Variants in PARD3B observed in about 807,000 individuals in gnomAD.
PARD3B encodes par-3 family cell polarity regulator beta, also known as partitioning defective 3 homolog B.
Under a neutral mutation model 130.2 loss-of-function variants are expected in PARD3B, and 103 were observed. That is an observed-to-expected ratio of 0.79 (90% CI 0.67 to 0.93). The LOEUF (loss-of-function observed/expected upper bound fraction) is 0.93, where lower values mean the gene tolerates loss of function less well. Ranked by LOEUF, PARD3B falls within the 40% of genes least tolerant of loss-of-function variation. The pLI is 0.00. For synonymous variants in PARD3B, 583 were observed against 553.2 expected (o/e 1.05, Z -0.76); for missense variants, 1,609 against 1,499.2 (o/e 1.07, Z -1.21).
chr2:204,750,615 TACATACATACATACATAC>T (rs1349082648), intron 2 of PARD3B, among the ~76,000 whole-genome samples: 1 of 151,588 alleles, frequency 6.6e-6, no homozygotes, highest in African/African-American at 2.4e-5. Context: ...CATACATACA[TACATACATACATACATAC>T]ACACACACAT....
At chr2:204,560,712 A>C (rs1208267738) in intron 1 of PARD3B, among the ~76,000 whole-genome samples, 3 of 152,082 alleles carry the variant, frequency 2.0e-5, no homozygotes, top group Non-Finnish European at 2.9e-5. Context: ...GTAGGGAAGG[A>C]GTAAGGGTCA....
At chr2:204,877,826 C>T (rs144820383) in intron 2 of PARD3B, among the ~76,000 whole-genome samples, 1 of 152,258 alleles carries the variant, frequency 6.6e-6, no homozygotes, top group East Asian at 1.9e-4. Context: ...GTCAGTTTGG[C>T]AATACCAGTT....
At chr2:205,456,510 C>T (rs1050913334) in intron 20 of PARD3B, among the ~76,000 whole-genome samples, 2 of 152,044 alleles carry the variant, frequency 1.3e-5, no homozygotes, top group Non-Finnish European at 2.9e-5. Context: ...GTTGAGTGTA[C>T]TGTTAGCTAT....
chr2:205,169,266 C>A (rs998681018), intron 11 of PARD3B, among the ~76,000 whole-genome samples: 3 of 152,088 alleles, frequency 2.0e-5, no homozygotes, highest in Non-Finnish European at 4.4e-5. Context: ...TCTGGTGATG[C>A]TTGTGATGAA....
At chr2:205,282,206 C>G (rs758736726) in intron 16 of PARD3B, among the ~76,000 whole-genome samples, 1 of 151,928 alleles carries the variant, frequency 6.6e-6, no homozygotes, top group Non-Finnish European at 1.5e-5. Context: ...GAGATGTTCC[C>G]CCCTTTCTTC....
At chr2:204,786,101 G>A (rs1434362081) in intron 2 of PARD3B, among the ~76,000 whole-genome samples, 5 of 128,688 alleles carry the variant, frequency 3.9e-5, no homozygotes, top group African/African-American at 1.2e-4. Flanking sequence ...GTGACAGAGT[G>A]AGACTCCATC....
chr2:204,558,773 G>A (rs1409558352), intron 1 of PARD3B, among the ~76,000 whole-genome samples: 1 of 152,108 alleles, frequency 6.6e-6, no homozygotes, highest in East Asian at 1.9e-4. Flanking sequence ...GAGGCATCAT[G>A]CTACCTGACT....
At chr2:205,068,770 T>A (rs1477059939) in intron 4 of PARD3B, among the ~76,000 whole-genome samples, 4 of 152,188 alleles carry the variant, frequency 2.6e-5, no homozygotes, top group African/African-American at 9.6e-5. Context: ...TTGATTTCTG[T>A]TGACTTCCCC....
At chr2:205,130,817 A>G (rs1559469714) in intron 10 of PARD3B, among the ~76,000 whole-genome samples, 1 of 152,188 alleles carries the variant, frequency 6.6e-6, no homozygotes, top group East Asian at 1.9e-4. Context: ...TTGAAAACCA[A>G]AAGTTAGCCA....
Position 205,187,390 on chromosome 2 carries a change from G to A in PARD3B, c.2024+1527G>A, listed in dbSNP as rs1008872778. Among the ~76,000 whole-genome samples the A allele has an allele frequency of 1.3e-4, 20 of 152,290 alleles. No individual in the cohort carries two copies. The highest frequency in any genetic ancestry group is 4.8e-4 in the African/African-American group (20 of 41,554). On this transcript the variant is annotated intron_variant, in intron 14 of 22. Coordinates refer to ENST00000406610, the MANE Select transcript of PARD3B (RefSeq NM_001302769.2). This position sits in a 1 kb window ranked among gnomAD's most constrained non-coding sequence, Gnocchi z 4.9. ...TGGTAGATAGTCAATCTTATTGCAGGGTTTTCGCAGGTAATACACAGAATG... is the reference window on the plus strand; with the variant it reads ...TGGTAGATAGTCAATCTTATTGCAGAGTTTTCGCAGGTAATACACAGAATG...
At chr2:205,596,413 C>G (rs1040812584) in intron 22 of PARD3B, among the ~76,000 whole-genome samples, 1 of 152,148 alleles carries the variant, frequency 6.6e-6, no homozygotes, top group Non-Finnish European at 1.5e-5. Flanking sequence ...AAGTGCTCTG[C>G]CAAATAATGA....
chr2:204,708,272 G>A (rs1041126373), intron 2 of PARD3B, among the ~76,000 whole-genome samples: 1 of 152,116 alleles, frequency 6.6e-6, no homozygotes, highest in Non-Finnish European at 1.5e-5. Flanking sequence ...GCCTGTCAAA[G>A]TGCAGGGATT....
At chr2:205,004,315 G>T (rs181979567) in intron 3 of PARD3B, among the ~76,000 whole-genome samples, 1 of 152,154 alleles carries the variant, frequency 6.6e-6, no homozygotes, top group African/African-American at 2.4e-5. Context: ...TCCTGCTTCC[G>T]CAAGAATTTT....
chr2:204,663,518 G>A (rs915789306), intron 1 of PARD3B, among the ~76,000 whole-genome samples: 5 of 152,180 alleles, frequency 3.3e-5, no homozygotes, highest in African/African-American at 1.2e-4. Flanking sequence ...AGTTGGCTTG[G>A]ATTTTAAAAT....
At chr2:204,618,893 T>G (rs1041742606) in intron 1 of PARD3B, among the ~76,000 whole-genome samples, 9 of 152,216 alleles carry the variant, frequency 5.9e-5, no homozygotes, top group Non-Finnish European at 1.2e-4. Context: ...ATTTTCCTTA[T>G]GATTTTTCTA....
At chr2:204,659,651 C>T (rs1201726667) in intron 1 of PARD3B, among the ~76,000 whole-genome samples, 1 of 152,144 alleles carries the variant, frequency 6.6e-6, no homozygotes, top group Non-Finnish European at 1.5e-5. Flanking sequence ...AATTTCCCAC[C>T]TTTAACATAC....
chr2:204,916,713 A>G (rs1052921387), intron 2 of PARD3B, among the ~76,000 whole-genome samples: 1 of 152,020 alleles, frequency 6.6e-6, no homozygotes, highest in Admixed American at 6.6e-5. Flanking sequence ...CCATTTGTTC[A>G]TGGAGTTCCC....
chr2:204,825,746 A>G (rs1295990337), intron 2 of PARD3B, among the ~76,000 whole-genome samples: 2 of 152,188 alleles, frequency 1.3e-5, no homozygotes. Context: ...AGTGAGCTTC[A>G]ATGGAGCGAG....
intron 22 of PARD3B, among the ~76,000 whole-genome samples, chr2:205,567,481 ATTTTTTT>A (rs61638177): frequency 8.8e-6 from 1 of 113,516 alleles, no homozygotes; most frequent in East Asian, 2.6e-4. Context: ...TGCCCGGTTA[ATTTTTTT>A]TTTTTTTGTA....
Sources: allele counts gnomAD v4.1 joint callset (sites outside exome capture counted in the v4.1 genomes callset), GRCh38; gene constraint gnomAD v4.1.1; non-coding constraint Gnocchi (gnomAD v3.1); transcripts MANE v1.5; gene names NCBI Gene and HGNC (gene_info 2026-07-23, HGNC 2026-07-21).